Variants in TTLL3 observed in about 807,000 individuals in gnomAD.
TTLL3 encodes tubulin tyrosine ligase like 3, also known as tubulin monoglycylase TTLL3.
TTLL3 carries 63 observed loss-of-function variants against 75.2 expected under a neutral mutation model. That is an observed-to-expected ratio of 0.84 (90% CI 0.68 to 1.03). The LOEUF is 1.03. TTLL3 is among the 50% of genes least tolerant of loss of function. The pLI is 0.00. For missense variants in TTLL3, 997 were observed against 1,069.9 expected (o/e 0.93, Z 0.95); for synonymous variants, 393 against 418.5 (o/e 0.94, Z 0.74).
intron 7 of TTLL3, chr3:9,820,175 G>C: frequency 9.8e-7 from 1 of 1,022,820 alleles, no homozygotes; most frequent in Non-Finnish European, 1.2e-6. Flanking sequence ...TCAGACTTGG[G>C]GGAGGGGCGT....
intron 8 of TTLL3, 141 bp from the exon 9 acceptor site, chr3:9,825,659 G>A: frequency 1.3e-6 from 2 of 1,484,560 alleles, no homozygotes; most frequent in Non-Finnish European, 1.8e-6. Context: ...AGGCTTGGGA[G>A]GGACCTATGG....
Position 9,834,506 on chromosome 3 carries a change from C to G in TTLL3, c.1826-175C>G, listed in dbSNP as rs754976099. ...GCACAGCTGGGATGCAGACCCAGGT[C>G]TGTTGGACTCTACCCTGTTTTCTTC... On this transcript the variant is annotated intron_variant, in intron 12 of 13. Coordinates refer to ENST00000685419, the MANE Select transcript of TTLL3 (RefSeq NM_001387446.1). The G allele has an allele frequency of 2.0e-5, 21 of 1,038,260 alleles. 1 individual carries two copies. In the South Asian group the frequency reaches 2.9e-4, roughly 14 times the overall value. 64.3% of individuals were successfully genotyped at this position (1,038,260 alleles called of 1,614,324 possible).
chr3:9,829,229 T>A lies in TTLL3; in HGVS notation c.1517T>A (p.Phe506Tyr). The A allele has an allele frequency of 6.2e-7, 1 of 1,614,178 alleles. No homozygotes were observed. Among genetic ancestry groups the A allele is most frequent in the Admixed American group, 1.7e-5 (1 of 60,026 alleles). ...YGADFVFGEDFQPWLIEINAS... is the reference protein window; with the variant it reads ...YGADFVFGEDYQPWLIEINAS... ...GCTGACTTCGTGTTCGGGGAGGACT[T>A]CCAGCCCTGGCTGATTGAGATCAAC... The change falls in exon 11 of 14, where the codon TTC (phenylalanine) becomes TAC (tyrosine). Residue 506 changes from phenylalanine to tyrosine, a missense_variant. By Grantham distance (22) the Phe-to-Tyr change is conservative. Transcript: ENST00000685419.
At chr3:9,818,037 A>G (rs1307316798) in intron 6 of TTLL3, 4 of 336,086 alleles carry the variant, frequency 1.2e-5, no homozygotes, top group Non-Finnish European at 2.2e-5. Flanking sequence ...TTTGGAATCC[A>G]GAACAGATTC....
intron 13 of TTLL3, 52 bp from the exon 14 acceptor site, chr3:9,835,042 T>TC: frequency 1.3e-6 from 2 of 1,588,182 alleles, no homozygotes. Context: ...AGAAGCCCCT[T>TC]CCTCCACAGA....
At chr3:9,825,663 C>T (rs1464422060) in intron 8 of TTLL3, 137 bp from the exon 9 acceptor site, 2 of 1,508,368 alleles carry the variant, frequency 1.3e-6, no homozygotes, top group African/African-American at 2.8e-5. Context: ...TTGGGAGGGA[C>T]CTATGGATAT....
intron 2 of TTLL3, among the ~76,000 whole-genome samples, chr3:9,811,807 C>T (rs1048358562): frequency 1.3e-5 from 2 of 152,234 alleles, no homozygotes; most frequent in South Asian, 4.1e-4. Context: ...GACCTCTCTC[C>T]AGCCTCAAGG....
At chr3:9,820,816 C>T (rs1575381502) in intron 8 of TTLL3, 75 bp downstream of exon 8, 3 of 1,549,770 alleles carry the variant, frequency 1.9e-6, no homozygotes, top group East Asian at 2.3e-5. Flanking sequence ...TCGTGCAGCC[C>T]CTACCCCTTC....
chr3:9,818,668 T>C lies in TTLL3; in HGVS notation c.560-154T>C. The C allele has an allele frequency of 4.0e-6, 6 of 1,502,896 alleles. No individual in the cohort carries two copies. In the South Asian group the frequency reaches 7.9e-5, roughly 20 times the overall value. 93.1% of individuals were successfully genotyped at this position (1,502,896 alleles called of 1,614,324 possible). ...CAGGCGTCAGCCACCGTGACCAGCC[T>C]GAAACAGGAGCAAGTTCTAAACTCA... On this transcript the variant is annotated intron_variant, in intron 6 of 13. Coordinates refer to ENST00000685419, the MANE Select transcript of TTLL3 (RefSeq NM_001387446.1).
chr3:9,830,131 C>A (rs899145497), intron 11 of TTLL3, among the ~76,000 whole-genome samples: 2 of 152,190 alleles, frequency 1.3e-5, no homozygotes, highest in Non-Finnish European at 2.9e-5. Flanking sequence ...GCAGAAGCCA[C>A]CGTGCCCAGC....
intron 8 of TTLL3, among the ~76,000 whole-genome samples, chr3:9,824,344 C>A (rs2080808262): frequency 6.6e-6 from 1 of 152,204 alleles, no homozygotes; most frequent in African/African-American, 2.4e-5. Context: ...GAGTTTGAAT[C>A]CTGGCTGAAC....
chr3:9,828,733 G>A (rs17050594), intron 10 of TTLL3: 304 of 600,120 alleles, frequency 5.1e-4, no homozygotes, highest in African/African-American at 4.8e-3. Context: ...TGCGGCCCCC[G>A]TAACTAGCGC....
rs761062970 is a variant in TTLL3, at chr3:9,820,761, G to A, written c.854+20G>A. On this transcript the variant is annotated intron_variant, in intron 8 of 13. Coordinates refer to ENST00000685419, the MANE Select transcript of TTLL3 (RefSeq NM_001387446.1). ...GGTCCAGTGAGTCCCCTGCAGCTGG[G>A]ACTTTGGGCTGTGGGCAGGTGCTTA... The A allele has an allele frequency of 9.9e-6, 16 of 1,612,874 alleles. No homozygotes were observed. The highest frequency in any genetic ancestry group is 1.4e-5 in the Non-Finnish European group (16 of 1,179,464).
At chr3:9,828,329 G>A (rs1364835228) in intron 10 of TTLL3, 1 of 152,164 alleles carries the variant, frequency 6.6e-6, no homozygotes, top group Non-Finnish European at 1.5e-5. Context: ...GTTTGAATCT[G>A]GTCATGTGAA....
At position 9,833,211 on chromosome 3, in the gene TTLL3, A is replaced by C; in HGVS notation, c.1791A>C (p.Ala597=). 5 of 1,614,130 alleles carry C rather than the reference A, an allele frequency of 3.1e-6. No individual in the cohort carries two copies. Among genetic ancestry groups the C allele is most frequent in the Non-Finnish European group, 4.2e-6 (5 of 1,179,988 alleles). ...MCHRRMGVRP[A]VPLLTQRGSG... ...ATCGGCGGATGGGGGTCCGCCCAGC[A>C]GTCCCTCTGCTGACCCAGCGAGGCT... is the stretch of plus-strand genomic sequence containing the variant. Residue 597 remains alanine, a synonymous_variant, in exon 12 of 14, where the codon GCA becomes GCC. Transcript: ENST00000685419.
rs749291388 is a variant in TTLL3, at chr3:9,815,676, C to T, written c.316-398C>T. On this transcript the variant is annotated intron_variant, in intron 4 of 13. Coordinates refer to ENST00000685419, the MANE Select transcript of TTLL3 (RefSeq NM_001387446.1). ...GGGACACCCTTAGGGGCCCTGCCCC[C>T]TCAGCAGCTATCTCCATAGGTGGGT... 5.6e-4 allele frequency among the ~76,000 whole-genome samples: 85 copies of T among 152,254 alleles called. 1 individual carries two copies. Among genetic ancestry groups the T allele is most frequent in the Non-Finnish European group, 4.7e-4 (32 of 68,042 alleles).
chr3:9,820,634 C>T lies in TTLL3; in HGVS notation c.747C>T (p.Tyr249=). ...VDEALCACEE[Y]LSNLAHMDID... ...AAGCTCTGTGTGCGTGCGAGGAGTA[C>T]CTTAGCAACTTGGCCCACATGGACA... is the stretch of plus-strand genomic sequence containing the variant. The change falls in exon 8 of 14, where the codon TAC becomes TAT. Residue 249 remains tyrosine (Y), a synonymous_variant. Transcript: ENST00000685419. 6.2e-7 allele frequency: 1 copy of T among 1,614,078 alleles called. No homozygotes were observed. The highest frequency in any genetic ancestry group is 1.3e-5 in the African/African-American group (1 of 75,004).
chr3:9,833,530 G>A (rs1559229374), intron 12 of TTLL3, among the ~76,000 whole-genome samples: 1 of 152,138 alleles, frequency 6.6e-6, no homozygotes, highest in Non-Finnish European at 1.5e-5. Flanking sequence ...GAACCCCCGG[G>A]CCCTGGGTAA....
At chr3:9,830,431 T>G (rs2081411663) in intron 11 of TTLL3, among the ~76,000 whole-genome samples, 1 of 152,186 alleles carries the variant, frequency 6.6e-6, no homozygotes, top group African/African-American at 2.4e-5. Context: ...TAGAATTTCT[T>G]GTGGCAGTTT....
Sources: allele counts gnomAD v4.1 joint callset (sites outside exome capture counted in the v4.1 genomes callset), GRCh38; gene constraint gnomAD v4.1.1; transcripts MANE v1.5; gene names NCBI Gene and HGNC (gene_info 2026-07-23, HGNC 2026-07-21).